The following TNRC6B variants were observed in gnomAD, a reference collection of about 807,000 sequenced individuals.
The protein encoded by TNRC6B is trinucleotide repeat containing adaptor 6B, also known as trinucleotide repeat-containing gene 6B protein.
In TNRC6B, 52 loss-of-function variants were observed where a neutral mutation model predicts 203.6. The ratio of observed to expected loss-of-function variants is 0.26; its 90% CI spans 0.20 to 0.32. The LOEUF (loss-of-function observed/expected upper bound fraction) is 0.32. TNRC6B is among the 10% of genes least tolerant of loss of function. The pLI, the probability that TNRC6B is intolerant of heterozygous loss-of-function variation, is 1.00. For synonymous variants in TNRC6B, 838 were observed against 845.7 expected (o/e 0.99, Z 0.16); for missense variants, 1,923 against 2,286.2 (o/e 0.84, Z 3.24).
At chr22:40,169,353 A>G (rs1036323157) in intron 4 of TNRC6B, among the ~76,000 whole-genome samples, 3 of 151,840 alleles carry the variant, frequency 2.0e-5, no homozygotes, top group Non-Finnish European at 1.5e-5. Flanking sequence ...GATGGTATCA[A>G]TCTTCTGACC....
At chr22:40,300,072 G>GT (rs1206660365) in intron 12 of TNRC6B, among the ~76,000 whole-genome samples, 1 of 152,066 alleles carries the variant, frequency 6.6e-6, no homozygotes, top group Non-Finnish European at 1.5e-5. Context: ...ATACTTTCAC[G>GT]TAAGTATTAT....
At chr22:40,186,256 A>G (rs1482783460) in intron 1 of TNRC6B, among the ~76,000 whole-genome samples, 1 of 152,182 alleles carries the variant, frequency 6.6e-6, no homozygotes, top group Non-Finnish European at 1.5e-5. Flanking sequence ...GAACTGTTCG[A>G]TCACAGGTGT....
intron 3 of TNRC6B, among the ~76,000 whole-genome samples, chr22:40,255,267 A>G (rs1363655015): frequency 6.6e-6 from 1 of 152,200 alleles, no homozygotes; most frequent in Non-Finnish European, 1.5e-5. Context: ...TAGAAGTTAA[A>G]TTTTTTAGGT....
upstream of TNRC6B, among the ~76,000 whole-genome samples, chr22:40,173,257 C>T (rs139828002): frequency 3.3e-3 from 505 of 151,924 alleles, no homozygotes; most frequent in African/African-American, 0.012. Flanking sequence ...CCACCACGCC[C>T]GGCTAATTTT....
chr22:40,297,014 GA>G (rs2070953452), intron 12 of TNRC6B, among the ~76,000 whole-genome samples: 1 of 152,146 alleles, frequency 6.6e-6, no homozygotes, highest in Non-Finnish European at 1.5e-5. Context: ...CCAATTCCAG[GA>G]AAGAATCTAG....
chr22:40,263,289 G>C (rs1443281250), intron 4 of TNRC6B, among the ~76,000 whole-genome samples: 1 of 152,176 alleles, frequency 6.6e-6, no homozygotes, highest in Non-Finnish European at 1.5e-5. Flanking sequence ...AGAAAATTTG[G>C]TCACCATCTT....
At position 40,266,400 on chromosome 22, in the gene TNRC6B, G is replaced by A. The variant is rs754875855; in HGVS notation, c.2170G>A (p.Glu724Lys). The change falls in exon 5 of 23, where the codon GAG becomes AAG. Residue 724 changes from glutamate (E) to lysine (K), a missense_variant. Transcript: ENST00000454349. ...TGAAAAGACACCTTCCTCTTGGAAT[G>A]AGAATCCCAGCAAGGATCAGGGGTG... ...PDEKTPSSWN[E>K]NPSKDQGWGG... 2 of 1,613,730 alleles carry A rather than the reference G, an allele frequency of 1.2e-6. No individual in the cohort carries two copies. The highest frequency in any genetic ancestry group is 1.7e-6 in the Non-Finnish European group (2 of 1,179,854).
chr22:40,319,026 G>A (rs531678604), intron 21 of TNRC6B, among the ~76,000 whole-genome samples: 142 of 152,182 alleles, frequency 9.3e-4, no homozygotes, highest in African/African-American at 3.3e-3. Context: ...AGCTGAGATC[G>A]CACCACTGCA....
rs549202188 is a variant in TNRC6B at position 40,299,162 on chromosome 22, A to C, written c.3709-1293A>C. Among the ~76,000 whole-genome samples the C allele has an allele frequency of 6.9e-3, 1,041 of 151,308 alleles. 3 individuals are homozygous for C. Among genetic ancestry groups the C allele is most frequent in the African/African-American group, 0.015 (628 of 41,260 alleles). ...CCTGTCTCAAAAAAAAAAAAACAAAAAAAAAAAAAAAACAAAACTGGGGAG... is the reference window on the plus strand; with the variant it reads ...CCTGTCTCAAAAAAAAAAAAACAAACAAAAAAAAAAAACAAAACTGGGGAG... On this transcript the variant is annotated intron_variant, in intron 12 of 22. Coordinates refer to ENST00000454349, the MANE Select transcript of TNRC6B (RefSeq NM_001162501.2).
In TNRC6B at chr22:40,332,263, G is replaced by A. The variant is rs555857778; in HGVS notation, c.*9022G>A. The A allele has an allele frequency of 1.3e-5, 2 of 152,540 alleles. No individual in the cohort carries two copies. Among genetic ancestry groups the A allele is most frequent in the South Asian group, 4.1e-4 (2 of 4,822 alleles). The allele number at this position is 152,540 out of a possible 1,614,324, so 9.4% of individuals were successfully genotyped here. On this transcript the variant is annotated 3_prime_UTR_variant, in exon 23 of 23. Coordinates refer to ENST00000454349, the MANE Select transcript of TNRC6B (RefSeq NM_001162501.2). ...AACTGTCCTGCTTTGTGGGGAAGAG[G>A]GCTGTTGCTTGTCAGGCAAAAAAGT...
chr22:40,142,366 G>C (rs1463343656), intron 3 of TNRC6B, among the ~76,000 whole-genome samples: 1 of 151,964 alleles, frequency 6.6e-6, no homozygotes, highest in African/African-American at 2.4e-5. Flanking sequence ...ACAGCCACCA[G>C]ATTTTAACTC....
chr22:40,122,707 G>A (rs1371893613), intron 2 of TNRC6B, among the ~76,000 whole-genome samples: 1 of 152,166 alleles, frequency 6.6e-6, no homozygotes, highest in African/African-American at 2.4e-5. Context: ...ATGTCCAAAG[G>A]GAAATGGAGA....
intron 12 of TNRC6B, among the ~76,000 whole-genome samples, chr22:40,299,563 A>T (rs1046799661): frequency 6.6e-6 from 1 of 151,866 alleles, no homozygotes; most frequent in Non-Finnish European, 1.5e-5. Context: ...TAACCTTTTT[A>T]TTTTTTTAAA....
intron 4 of TNRC6B, among the ~76,000 whole-genome samples, chr22:40,170,612 C>A (rs1243085066): frequency 8.1e-4 from 62 of 76,718 alleles, no homozygotes; most frequent in Admixed American, 1.5e-3. Context: ...TTATATATAT[C>A]CTATACATAC....
chr22:40,178,284 C>T (rs1043329677), intron 1 of TNRC6B, 144 bp downstream of exon 1: 34 of 879,802 alleles, frequency 3.9e-5, no homozygotes, highest in Middle Eastern at 4.5e-4. Flanking sequence ...AAATCAGACC[C>T]GTGATGTACT....
chr22:40,219,024 G>A (rs1044863284), intron 1 of TNRC6B, among the ~76,000 whole-genome samples: 2 of 152,244 alleles, frequency 1.3e-5, no homozygotes, highest in African/African-American at 4.8e-5. Context: ...GGCTGAGCTA[G>A]GCAGATGACA....
intron 4 of TNRC6B, among the ~76,000 whole-genome samples, chr22:40,171,282 C>T (rs2068995640): frequency 6.6e-6 from 1 of 151,502 alleles, no homozygotes; most frequent in African/African-American, 2.4e-5. Flanking sequence ...CTGCCTCAGC[C>T]TCCCGAGTAG....
chr22:40,311,842 C>G (rs2071188735), intron 17 of TNRC6B, among the ~76,000 whole-genome samples: 1 of 152,208 alleles, frequency 6.6e-6, no homozygotes, highest in African/African-American at 2.4e-5. Context: ...CACGCCCGGC[C>G]AAAGTAGAAC....
chr22:40,316,353 CA>C (rs796891058), intron 21 of TNRC6B, among the ~76,000 whole-genome samples: 18 of 106,506 alleles, frequency 1.7e-4, no homozygotes, highest in African/African-American at 1.7e-4. Flanking sequence ...GACTCCATCT[CA>C]AAAAAAAAAA....
Sources: gnomAD v4.1 joint callset for allele counts (sites outside exome capture counted in the v4.1 genomes callset) on GRCh38, gnomAD v4.1.1 for gene constraint, MANE v1.5 for transcripts, NCBI Gene and HGNC (gene_info 2026-07-23, HGNC 2026-07-21) for gene names.